The following SLC25A13 variants were observed in gnomAD, a reference collection of about 807,000 sequenced individuals.
SLC25A13 encodes electrogenic aspartate/glutamate antiporter SLC25A13, mitochondrial.
SLC25A13 carries 70 observed loss-of-function variants against 85.5 expected under a neutral mutation model. The ratio of observed to expected loss-of-function variants is 0.82; its 90% CI spans 0.68 to 1.00. The LOEUF (loss-of-function observed/expected upper bound fraction) is 1.00. Ranked by LOEUF, SLC25A13 falls within the 50% of genes least tolerant of loss-of-function variation. The probability of loss-of-function intolerance (pLI) is 0.00; values close to 1 mark genes in which losing one functional copy is unlikely to be tolerated. For missense variants in SLC25A13, 765 were observed against 819.8 expected (o/e 0.93, Z 0.82); for synonymous variants, 259 against 288.7 (o/e 0.90, Z 1.04).
chr7:96,252,266 A>G (rs1797459837), intron 3 of SLC25A13, among the ~76,000 whole-genome samples: 1 of 152,142 alleles, frequency 6.6e-6, no homozygotes, highest in African/African-American at 2.4e-5. Flanking sequence ...CTGACGATAC[A>G]TATACTGATA....
At chr7:96,267,180 G>T (rs1798068149) in intron 3 of SLC25A13, among the ~76,000 whole-genome samples, 2 of 152,130 alleles carry the variant, frequency 1.3e-5, no homozygotes. Context: ...TATTCTTTAA[G>T]TATTGCCAAT....
intron 2 of SLC25A13, among the ~76,000 whole-genome samples, chr7:96,290,327 A>G (rs1799066408): frequency 6.6e-6 from 1 of 152,216 alleles, no homozygotes; most frequent in Admixed American, 6.5e-5. Flanking sequence ...AAACATGCCA[A>G]ATTGTAAAGA....
At chr7:96,311,842 A>C (rs1301992496) in intron 1 of SLC25A13, among the ~76,000 whole-genome samples, 1 of 152,096 alleles carries the variant, frequency 6.6e-6, no homozygotes. Context: ...TCTCTGACTG[A>C]CCTCTATGTT....
At position 96,121,733 on chromosome 7, in the gene SLC25A13, C is replaced by T. The variant is rs121908532; in HGVS notation, c.1763G>A (p.Arg588Gln). ...LWKGAGARVF[R>Q]SSPQFGVTLL... ...AGTTACACCAAACTGGGGTGAGGAT[C>T]GAAATACACGAGCTTTAAAAAAATG... The change falls in exon 17 of 18, where the codon CGA becomes CAA. Residue 588 changes from arginine (R) to glutamine (Q), a missense_variant. Coordinates refer to ENST00000265631, the MANE Select transcript of SLC25A13 (RefSeq NM_014251.3). 6.8e-6 allele frequency: 11 copies of T among 1,613,930 alleles called. No individual in the cohort carries two copies. The South Asian group carries it at 7.7e-5, about 11-fold the overall frequency.
rs80264824 is a variant in SLC25A13, at chr7:96,214,025, T to C, written c.329-5048A>G. On this transcript the variant is annotated intron_variant, in intron 4 of 17. Coordinates refer to ENST00000265631, the MANE Select transcript of SLC25A13 (RefSeq NM_014251.3). ...CCATAATATCACCAAATAATAGTGA[T>C]ATTATTTAAAGTAAGACCTCACCAA... 7.2e-5 allele frequency among the ~76,000 whole-genome samples: 11 copies of C among 152,318 alleles called. No homozygotes were observed. The East Asian group carries it at 1.4e-3, about 19-fold the overall frequency.
intron 15 of SLC25A13, among the ~76,000 whole-genome samples, chr7:96,131,363 T>A (rs1025117128): frequency 3.9e-5 from 6 of 152,208 alleles, no homozygotes; most frequent in African/African-American, 1.2e-4. Context: ...CAGGCTTTTA[T>A]GCACTATTTT....
intron 13 of SLC25A13, among the ~76,000 whole-genome samples, chr7:96,156,957 G>A (rs1793292659): frequency 6.6e-6 from 1 of 152,152 alleles, no homozygotes. Flanking sequence ...ATATAGCATA[G>A]TCATTTCAAG....
At chr7:96,271,092 T>C (rs1798223075) in intron 3 of SLC25A13, among the ~76,000 whole-genome samples, 1 of 152,232 alleles carries the variant, frequency 6.6e-6, no homozygotes, top group South Asian at 2.1e-4. Context: ...AAAGACCCTT[T>C]TTCCAAATAA....
intron 1 of SLC25A13, among the ~76,000 whole-genome samples, chr7:96,320,994 T>G (rs977923670): frequency 4.6e-5 from 7 of 152,168 alleles, no homozygotes; most frequent in African/African-American, 1.7e-4. Context: ...GCTAAGAAGT[T>G]GTATAGGCTT....
At chr7:96,272,929 G>A (rs140675501) in intron 3 of SLC25A13, among the ~76,000 whole-genome samples, 41 of 152,278 alleles carry the variant, frequency 2.7e-4, no homozygotes, top group African/African-American at 8.4e-4. Flanking sequence ...TCAGGTGAAA[G>A]GTTGCTGGAG....
chr7:96,315,336 T>C (rs1196630954), intron 1 of SLC25A13, among the ~76,000 whole-genome samples: 2 of 152,200 alleles, frequency 1.3e-5, no homozygotes, highest in African/African-American at 2.4e-5. Flanking sequence ...CTTTCAAAAA[T>C]CCTGAGGCTC....
intron 4 of SLC25A13, among the ~76,000 whole-genome samples, chr7:96,229,873 G>A (rs899460091): frequency 2.0e-5 from 3 of 152,284 alleles, no homozygotes; most frequent in Middle Eastern, 3.4e-3. Flanking sequence ...ACGAGGGTCC[G>A]CAGCTTCATC....
chr7:96,121,664 A>G lies in SLC25A13; in HGVS notation c.1832T>C (p.Phe611Ser). The G allele has an allele frequency of 1.9e-6, 3 of 1,614,194 alleles. No individual in the cohort carries two copies. Among genetic ancestry groups the G allele is most frequent in the Non-Finnish European group, 1.7e-6 (2 of 1,180,036 alleles). The part of the protein sequence containing the change: ...ELLQRWFYID[F>S]GGVKPMGSEP... The stretch of plus-strand genomic sequence containing the variant: ...TTAGCATGATACTTACACTCCTCCA[A>G]AATCAATGTAGAACCATCGCTGTAG... The change falls in exon 17 of 18, where the codon TTT becomes TCT. Residue 611 changes from phenylalanine to serine, a missense_variant. By Grantham distance (155) the Phe-to-Ser change is radical (BLOSUM62 -2). Coordinates refer to ENST00000265631, the MANE Select transcript of SLC25A13 (RefSeq NM_014251.3).
rs779657849 is a variant in SLC25A13, at chr7:96,184,392, A to G, written c.1062T>C (p.Thr354=). 3 of 1,614,178 alleles carry G rather than the reference A, an allele frequency of 1.9e-6. No individual in the cohort carries two copies. Among genetic ancestry groups the G allele is most frequent in the Non-Finnish European group, 2.5e-6 (3 of 1,180,026 alleles). Residue 354 remains threonine, a synonymous_variant, in exon 11 of 18, where the codon ACT becomes ACC. Coordinates refer to ENST00000265631, the MANE Select transcript of SLC25A13 (RefSeq NM_014251.3). ...TAVYPIDLVK[T]RMQNQRSTGS... is the part of the protein sequence containing the mutation. Reference sequence around the variant, plus strand: ...CAGTTGATCGTTGGTTCTGCATTCGAGTTTTTACAAGATCGATAGGATACA... The same window carrying G: ...CAGTTGATCGTTGGTTCTGCATTCGGGTTTTTACAAGATCGATAGGATACA...
At chr7:96,208,691 G>C (rs1012219553) in intron 5 of SLC25A13, 147 bp downstream of exon 5, 21 of 859,148 alleles carry the variant, frequency 2.4e-5, no homozygotes, top group Non-Finnish European at 3.9e-5. Flanking sequence ...ATTTTTAGTA[G>C]AGACGGGGTT....
At chr7:96,124,531 G>C (rs1791646644) in intron 15 of SLC25A13, among the ~76,000 whole-genome samples, 1 of 152,160 alleles carries the variant, frequency 6.6e-6, no homozygotes, top group Admixed American at 6.5e-5. Context: ...GTGTGCTTCT[G>C]AACGCTATTT....
At chr7:96,132,247 G>A (rs1223159252) in intron 14 of SLC25A13, among the ~76,000 whole-genome samples, 3 of 152,262 alleles carry the variant, frequency 2.0e-5, no homozygotes, top group Admixed American at 6.5e-5. Flanking sequence ...CACCAAAGAC[G>A]GGTAACGGCA....
chr7:96,221,507 T>G (rs866609812), intron 4 of SLC25A13, among the ~76,000 whole-genome samples: 2 of 152,318 alleles, frequency 1.3e-5, no homozygotes, highest in Middle Eastern at 3.4e-3. Context: ...CTTCTGATTC[T>G]TCACCACCTT....
chr7:96,212,135 T>A (rs1200213589), intron 4 of SLC25A13, among the ~76,000 whole-genome samples: 1 of 152,158 alleles, frequency 6.6e-6, no homozygotes, highest in East Asian at 1.9e-4. Context: ...GCTGCACAAC[T>A]CTAGTGGATG....
Sources: allele counts gnomAD v4.1 joint callset (sites outside exome capture counted in the v4.1 genomes callset), GRCh38; gene constraint gnomAD v4.1.1; transcripts MANE v1.5; gene names NCBI Gene and HGNC (gene_info 2026-07-23, HGNC 2026-07-21).